The following MRPS6 variants were observed in gnomAD, a reference collection of about 807,000 sequenced individuals.
MRPS6 encodes the protein small ribosomal subunit protein bS6m.
A neutral mutation model predicts 13.1 loss-of-function variants in MRPS6; 6 were observed. That is an observed-to-expected ratio of 0.46 (90% CI 0.25 to 0.91). The LOEUF (loss-of-function observed/expected upper bound fraction) is 0.91. MRPS6 is among the 40% of genes least tolerant of loss of function. The pLI is 0.18. For synonymous variants in MRPS6, 61 were observed against 56.5 expected (o/e 1.08, Z -0.36); for missense variants, 164 against 155.6 (o/e 1.05, Z -0.29).
intron 1 of MRPS6, among the ~76,000 whole-genome samples, chr21:34,090,275 AGG>A (rs1305996563): frequency 6.6e-6 from 1 of 152,230 alleles, no homozygotes; most frequent in East Asian, 1.9e-4. Context: ...TAAAGTAAGC[AGG>A]GGTTGAGGAC....
rs747736374 is a variant in MRPS6, at chr21:34,096,944, C to T, written c.45+23199C>T. ...GATGCAGTGAGAATAATGAGACCATCAACCACATCATTCCCAACGGGAAAT... is the reference window on the plus strand; with the variant it reads ...GATGCAGTGAGAATAATGAGACCATTAACCACATCATTCCCAACGGGAAAT... On this transcript the variant is annotated intron_variant, in intron 1 of 2. Transcript: ENST00000399312. This position sits in a 1 kb window ranked among gnomAD's most constrained non-coding sequence, Gnocchi z 5.9. The T allele has an allele frequency of 1.2e-5, 20 of 1,613,976 alleles. No individual in the cohort carries two copies. The highest frequency in any genetic ancestry group is 1.7e-5 in the Admixed American group (1 of 59,992).
chr21:34,086,246 G>A (rs920764615), intron 1 of MRPS6, among the ~76,000 whole-genome samples: 2 of 152,108 alleles, frequency 1.3e-5, no homozygotes, highest in African/African-American at 4.8e-5. Context: ...GCACTTAAGT[G>A]GTCTTGGGAG....
Position 34,096,543 on chromosome 21 carries a change from A to G in MRPS6, c.45+22798A>G. Reference sequence around the variant, plus strand: ...CATTCAGGAGGTAGCAGATTACCTGACACCCCCAGTGGCAGCCTTGTTCCT... The same window carrying G: ...CATTCAGGAGGTAGCAGATTACCTGGCACCCCCAGTGGCAGCCTTGTTCCT... On this transcript the variant is annotated intron_variant, in intron 1 of 2. Transcript: ENST00000399312. The surrounding 1 kb of genome is among the most constrained non-coding windows in gnomAD (Gnocchi z 5.9). 1.9e-6 allele frequency: 3 copies of G among 1,614,088 alleles called. No individual in the cohort carries two copies. The highest frequency in any genetic ancestry group is 2.5e-6 in the Non-Finnish European group (3 of 1,179,986).
At chr21:34,081,327 T>C (rs182766118) in intron 1 of MRPS6, among the ~76,000 whole-genome samples, 37 of 152,270 alleles carry the variant, frequency 2.4e-4, no homozygotes, top group African/African-American at 8.7e-4. Context: ...GACCCCTATA[T>C]TGAGGTTGGC....
In MRPS6 at chr21:34,073,789, C is replaced by T. The variant is rs749080307; in HGVS notation, c.45+44C>T. On this transcript the variant is annotated intron_variant, in intron 1 of 2. Transcript: ENST00000399312. ...GAGCCGGTCTTCCCGCGCGGGCGCC[C>T]CCGCTGCCGCTAGGCCGCCGTCCCC... 9.2e-6 allele frequency: 13 copies of T among 1,411,810 alleles called. No individual in the cohort carries two copies. The South Asian group carries it at 1.5e-4, about 17-fold the overall frequency. 87.5% of individuals were successfully genotyped at this position (1,411,810 alleles called of 1,614,324 possible).
intron 1 of MRPS6, among the ~76,000 whole-genome samples, chr21:34,081,843 CTTA>C (rs1177181635): frequency 6.6e-6 from 1 of 152,234 alleles, no homozygotes; most frequent in South Asian, 2.1e-4. Context: ...AAAGATAAAA[CTTA>C]TTATATCTAA....
At chr21:34,076,955 G>A (rs138623682) in intron 1 of MRPS6, among the ~76,000 whole-genome samples, 3 of 152,360 alleles carry the variant, frequency 2.0e-5, no homozygotes, top group East Asian at 3.8e-4. Context: ...GACCAAGGCT[G>A]CAGTCCCAGG....
intron 1 of MRPS6, among the ~76,000 whole-genome samples, chr21:34,087,257 G>T (rs1978434989): frequency 3.5e-5 from 1 of 28,256 alleles, no homozygotes; most frequent in Non-Finnish European, 6.4e-5. Flanking sequence ...GAGGGAGGAG[G>T]CTCTTTTTCC....
intron 2 of MRPS6, among the ~76,000 whole-genome samples, chr21:34,133,459 T>TAAG (rs1221404994): frequency 6.6e-6 from 1 of 152,228 alleles, no homozygotes; most frequent in Non-Finnish European, 1.5e-5. Flanking sequence ...CACAAGCTTC[T>TAAG]AACCCTGTGA....
chr21:34,074,175 T>C (rs1231718979), intron 1 of MRPS6, among the ~76,000 whole-genome samples: 1 of 149,548 alleles, frequency 6.7e-6, no homozygotes, highest in Non-Finnish European at 1.5e-5. Flanking sequence ...CGCCGCCGCC[T>C]GGTCCGTCCC....
At chr21:34,103,430 T>G (rs575871470) in intron 1 of MRPS6, 2 of 998,566 alleles carry the variant, frequency 2.0e-6, no homozygotes, top group Admixed American at 1.2e-4. Flanking sequence ...TTGTTTCTTT[T>G]ATATCCATTA....
At chr21:34,135,219 AGTT>A (rs747425922) in intron 2 of MRPS6, among the ~76,000 whole-genome samples, 8 of 152,148 alleles carry the variant, frequency 5.3e-5, no homozygotes, top group Admixed American at 2.0e-4. Flanking sequence ...TTTGTGTACA[AGTT>A]GTTGTGTGGA....
chr21:34,128,409 C>T (rs961016654), intron 2 of MRPS6, among the ~76,000 whole-genome samples: 16 of 152,018 alleles, frequency 1.1e-4, no homozygotes, highest in Non-Finnish European at 2.2e-4. Flanking sequence ...GCCCAGTAGG[C>T]TGGAAGAAAA....
chr21:34,077,325 C>A (rs1283135037), intron 1 of MRPS6, among the ~76,000 whole-genome samples: 1 of 152,172 alleles, frequency 6.6e-6, no homozygotes, highest in Non-Finnish European at 1.5e-5. Flanking sequence ...AAGAAGAAAT[C>A]TGAGGAAAGA....
chr21:34,073,625 A>C lies in MRPS6; in HGVS notation c.-76A>C. 1 of 1,334,412 alleles carries C rather than the reference A, an allele frequency of 7.5e-7. No individual in the cohort carries two copies. Among genetic ancestry groups the C allele is most frequent in the African/African-American group, 1.5e-5 (1 of 65,072 alleles). The allele number at this position is 1,334,412 out of a possible 1,614,324, so 82.7% of individuals were successfully genotyped here. A position where few individuals can be genotyped will look rare whatever the true frequency, so the allele number is the denominator to read the frequency against. On this transcript the variant is annotated 5_prime_UTR_variant, in exon 1 of 3. Transcript: ENST00000399312. ...CCGGCGCAGCAGTTTCTAGGTCCCC[A>C]CTGTCCCCGCCGTCCCGCCCCTTCG...
intron 1 of MRPS6, chr21:34,097,211 G>A: frequency 6.2e-7 from 1 of 1,614,114 alleles, no homozygotes; most frequent in Non-Finnish European, 8.5e-7. Context: ...GCCTCAGCAA[G>A]AGGAGTCTCA....
At chr21:34,108,649 T>C (rs954639347) in intron 1 of MRPS6, among the ~76,000 whole-genome samples, 4 of 152,244 alleles carry the variant, frequency 2.6e-5, no homozygotes, top group Non-Finnish European at 4.4e-5. Context: ...CAACTCATTT[T>C]GTTGAATCCT....
intron 1 of MRPS6, among the ~76,000 whole-genome samples, chr21:34,118,436 T>C (rs1243785234): frequency 6.6e-6 from 1 of 152,184 alleles, no homozygotes; most frequent in Non-Finnish European, 1.5e-5. Flanking sequence ...AGTTTCAACC[T>C]GTATTGCTCC....
intron 1 of MRPS6, among the ~76,000 whole-genome samples, chr21:34,077,650 A>G (rs1989365673): frequency 6.6e-6 from 1 of 152,238 alleles, no homozygotes; most frequent in South Asian, 2.1e-4. Context: ...TTCTTATTAA[A>G]ACAAACAGTA....
Sources: gnomAD v4.1 joint callset for allele counts (sites outside exome capture counted in the v4.1 genomes callset) on GRCh38, gnomAD v4.1.1 for gene constraint, Gnocchi (gnomAD v3.1) non-coding constraint, MANE v1.5 for transcripts, NCBI Gene and HGNC (gene_info 2026-07-23, HGNC 2026-07-21) for gene names.